EDIL3: variants seen among roughly 807,000 people sequenced by gnomAD.
EDIL3 encodes the protein EGF-like repeat and discoidin I-like domain-containing protein 3.
In EDIL3, 37 loss-of-function variants were observed where a neutral mutation model predicts 67.4. The ratio of observed to expected loss-of-function variants is 0.55; its 90% CI spans 0.42 to 0.72. The LOEUF is 0.72. Among genes scored for constraint, EDIL3 ranks in the 30% least tolerant of loss-of-function variants. The pLI, the probability that EDIL3 is intolerant of heterozygous loss-of-function variation, is 0.00. For missense variants in EDIL3, 527 were observed against 586.3 expected (o/e 0.90, Z 1.04); for synonymous variants, 195 against 196.3 (o/e 0.99, Z 0.05).
intron 9 of EDIL3, among the ~76,000 whole-genome samples, chr5:83,990,922 TAAATA>T (rs1376619811): frequency 8.1e-6 from 1 of 124,170 alleles, no homozygotes; most frequent in African/African-American, 3.0e-5. Flanking sequence ...AATAAATAAA[TAAATA>T]AAATAAAAGA....
intron 2 of EDIL3, among the ~76,000 whole-genome samples, chr5:84,235,886 G>C (rs1003466842): frequency 6.6e-6 from 1 of 151,842 alleles, no homozygotes; most frequent in East Asian, 1.9e-4. Flanking sequence ...GACAATGGTT[G>C]CTCTAAAGAC....
intron 9 of EDIL3, among the ~76,000 whole-genome samples, chr5:83,966,674 A>T: frequency 6.6e-6 from 1 of 152,090 alleles, no homozygotes; most frequent in East Asian, 1.9e-4. Context: ...AAATGAGGAT[A>T]ACAATTCTCA....
At chr5:84,137,516 C>T (rs1193198887) in intron 4 of EDIL3, among the ~76,000 whole-genome samples, 162 bp from the exon 5 acceptor site, 1 of 152,022 alleles carries the variant, frequency 6.6e-6, no homozygotes, top group Non-Finnish European at 1.5e-5. Context: ...CTGCTTAAAA[C>T]CAACAATTTA....
intron 2 of EDIL3, 133 bp from the exon 3 acceptor site, chr5:84,230,017 T>A (rs773154538): frequency 1.3e-6 from 1 of 761,672 alleles, no homozygotes; most frequent in Non-Finnish European, 2.0e-6. Flanking sequence ...AAACACTAAC[T>A]ACAAGCCCCT....
chr5:84,128,777 T>C lies in EDIL3; in HGVS notation c.469+8464A>G, dbSNP rs552058978. 4.6e-5 allele frequency among the ~76,000 whole-genome samples: 7 copies of C among 152,280 alleles called. No homozygotes were observed. In the East Asian group the frequency reaches 1.2e-3, roughly 25 times the overall value. ...TCTTGATGTCTGAGTACTTCATCTT[T>C]CTTTGTCTTTGAACTGGAAAATATA... On this transcript the variant is annotated intron_variant, in intron 5 of 10. Transcript: ENST00000296591.
chr5:84,086,374 T>C (rs2112263387), intron 6 of EDIL3, among the ~76,000 whole-genome samples: 1 of 152,258 alleles, frequency 6.6e-6, no homozygotes, highest in Admixed American at 6.5e-5. Context: ...GGTAGCACAG[T>C]CCTTCACGGC....
At chr5:84,017,127 A>C (rs856443) in intron 9 of EDIL3, among the ~76,000 whole-genome samples, 1,563 of 152,120 alleles carry the variant, frequency 0.01, 35 homozygotes, top group African/African-American at 0.035. Context: ...GTGCTTAATA[A>C]ATCTTTCTGT....
At chr5:84,301,335 A>C (rs1746159032) in intron 1 of EDIL3, among the ~76,000 whole-genome samples, 1 of 152,130 alleles carries the variant, frequency 6.6e-6, no homozygotes, top group South Asian at 2.1e-4. Context: ...GTTAAAAAAA[A>C]AGTCAAATGC....
At chr5:84,252,669 A>C (rs1459539259) in intron 2 of EDIL3, among the ~76,000 whole-genome samples, 1 of 152,012 alleles carries the variant, frequency 6.6e-6, no homozygotes, top group African/African-American at 2.4e-5. Context: ...AAAATACAAC[A>C]CTAAAATTTT....
At chr5:84,220,463 C>G (rs568989585) in intron 3 of EDIL3, among the ~76,000 whole-genome samples, 2 of 152,168 alleles carry the variant, frequency 1.3e-5, no homozygotes, top group South Asian at 4.1e-4. Flanking sequence ...TCTCAATAAT[C>G]ACATTTTCAG....
intron 10 of EDIL3, among the ~76,000 whole-genome samples, chr5:83,949,385 A>G (rs1487261369): frequency 1.3e-5 from 2 of 151,910 alleles, no homozygotes; most frequent in Non-Finnish European, 2.9e-5. Flanking sequence ...AGCCAAAGAC[A>G]ATGATAAAGT....
At chr5:84,078,005 A>T (rs536375310) in intron 6 of EDIL3, among the ~76,000 whole-genome samples, 2 of 152,334 alleles carry the variant, frequency 1.3e-5, no homozygotes, top group East Asian at 3.9e-4. Flanking sequence ...AACAATTTAC[A>T]GCCAACAGAA....
At position 84,354,367 on chromosome 5, in the gene EDIL3, C is replaced by T. The variant is rs540939526; in HGVS notation, c.67+29941G>A. ...CATAAATAGCTATCCTATGCAAAGG[C>T]ATTTTATGGCCAGGCACGGTGGCTC... On this transcript the variant is annotated intron_variant, in intron 1 of 10. Transcript: ENST00000296591. Among the ~76,000 whole-genome samples, 4 of 152,192 alleles carry T rather than the reference C, an allele frequency of 2.6e-5. No individual in the cohort carries two copies. The East Asian group carries it at 7.7e-4, about 29-fold the overall frequency.
intron 9 of EDIL3, among the ~76,000 whole-genome samples, chr5:83,993,440 T>TA (rs1185312849): frequency 6.6e-6 from 1 of 152,206 alleles, no homozygotes; most frequent in Non-Finnish European, 1.5e-5. Flanking sequence ...TCTCATGACT[T>TA]AAAAAATCAA....
chr5:84,233,474 A>G (rs1744622499), intron 2 of EDIL3, among the ~76,000 whole-genome samples: 1 of 152,178 alleles, frequency 6.6e-6, no homozygotes. Flanking sequence ...AACCCTTTGC[A>G]ATTTATATTC....
rs954062986 is a variant in EDIL3 at position 84,075,566 on chromosome 5, C to T, written c.652-8960G>A. Among the ~76,000 whole-genome samples, 9 of 152,004 alleles carry T rather than the reference C, an allele frequency of 5.9e-5. 1 individual carries two copies. The highest frequency in any genetic ancestry group is 2.2e-4 in the African/African-American group (9 of 41,364). On this transcript the variant is annotated intron_variant, in intron 6 of 10. Coordinates refer to ENST00000296591, the MANE Select transcript of EDIL3 (RefSeq NM_005711.5). ...TCTCAGCTCACTGCAAACTCCGCCTCCCAGGTTCAAGCAATTCTCCTGCCT... is the reference window on the plus strand; with the variant it reads ...TCTCAGCTCACTGCAAACTCCGCCTTCCAGGTTCAAGCAATTCTCCTGCCT...
At chr5:84,376,127 C>T (rs903401483) in intron 1 of EDIL3, among the ~76,000 whole-genome samples, 27 of 152,232 alleles carry the variant, frequency 1.8e-4, no homozygotes, top group Non-Finnish European at 3.1e-4. Flanking sequence ...TCTATGATCT[C>T]TATATCTCCA....
At chr5:84,254,885 C>A (rs528643780) in intron 1 of EDIL3, among the ~76,000 whole-genome samples, 23 of 152,196 alleles carry the variant, frequency 1.5e-4, no homozygotes, top group Admixed American at 1.4e-3. Context: ...CAATGGGTGG[C>A]AGATAGTATC....
intron 3 of EDIL3, among the ~76,000 whole-genome samples, chr5:84,211,656 G>A (rs149071102): frequency 2.6e-4 from 39 of 152,292 alleles, no homozygotes; most frequent in African/African-American, 8.9e-4. Context: ...AGTCAATGAA[G>A]TCAAGGGATG....
Sources: gnomAD v4.1 joint callset for allele counts (sites outside exome capture counted in the v4.1 genomes callset) on GRCh38, gnomAD v4.1.1 for gene constraint, MANE v1.5 for transcripts, NCBI Gene and HGNC (gene_info 2026-07-23, HGNC 2026-07-21) for gene names.